The following CNTNAP2 variants were observed in gnomAD, a reference collection of about 807,000 sequenced individuals.
CNTNAP2 encodes the protein contactin-associated protein-like 2.
CNTNAP2 carries 98 observed loss-of-function variants against 155.2 expected under a neutral mutation model. That is an observed-to-expected ratio of 0.63 (90% CI 0.54 to 0.75). CNTNAP2 has a LOEUF of 0.75. Ranked by LOEUF, CNTNAP2 falls within the 30% of genes least tolerant of loss-of-function variation. The pLI is 0.00. For synonymous variants in CNTNAP2, 651 were observed against 631.2 expected (o/e 1.03, Z -0.47); for missense variants, 1,727 against 1,688.1 (o/e 1.02, Z -0.40).
At chr7:147,169,914 G>T (rs1417698575) in intron 8 of CNTNAP2, among the ~76,000 whole-genome samples, 1 of 152,104 alleles carries the variant, frequency 6.6e-6, no homozygotes, top group African/African-American at 2.4e-5. Context: ...TTGCTCTCCA[G>T]ATTCTGAATT....
chr7:147,435,789 C>T (rs907307843), intron 10 of CNTNAP2, among the ~76,000 whole-genome samples: 14 of 152,084 alleles, frequency 9.2e-5, no homozygotes, highest in African/African-American at 3.4e-4. Flanking sequence ...GCCATGGTGT[C>T]TTCATCTGTA....
chr7:147,635,184 C>CTATATATA lies in CNTNAP2; in HGVS notation c.1898-3912_1898-3905dup, dbSNP rs57395379. Among the ~76,000 whole-genome samples the CTATATATA allele has an allele frequency of 2.4e-4, 33 of 137,156 alleles. 2 individuals carry two copies. Among genetic ancestry groups the CTATATATA allele is most frequent in the Admixed American group, 2.4e-3 (29 of 12,202 alleles). The allele number at this position is 137,156 out of a possible 152,430, so 90.0% of individuals were successfully genotyped here. The stretch of plus-strand genomic sequence containing the variant: ...TCTCCCAGCCATTATCACTGGCAAA[C>CTATATATA]TATATATATATATATATGTTTAATT... On this transcript the variant is annotated intron_variant, in intron 12 of 23. Transcript: ENST00000361727.
intron 13 of CNTNAP2, among the ~76,000 whole-genome samples, chr7:147,800,557 G>A (rs185732873): frequency 2.0e-5 from 3 of 151,816 alleles, no homozygotes; most frequent in Admixed American, 2.0e-4. Context: ...CCCTACGTTT[G>A]TTGCCATGAG....
chr7:147,514,537 T>A (rs1306315322), intron 11 of CNTNAP2, among the ~76,000 whole-genome samples: 2 of 151,640 alleles, frequency 1.3e-5, no homozygotes, highest in Non-Finnish European at 2.9e-5. Context: ...CCTAGGCACA[T>A]GCCCAAGGGA....
intron 12 of CNTNAP2, among the ~76,000 whole-genome samples, chr7:147,603,395 A>G (rs1239191647): frequency 6.6e-6 from 1 of 152,058 alleles, no homozygotes; most frequent in Admixed American, 6.6e-5. Flanking sequence ...AAATCAATGT[A>G]CAAAAATCAC....
chr7:146,174,857 A>G (rs1048349001), intron 1 of CNTNAP2, among the ~76,000 whole-genome samples: 2 of 152,058 alleles, frequency 1.3e-5, no homozygotes, highest in African/African-American at 4.8e-5. Context: ...AACAAACAAA[A>G]ACTATAAAGA....
chr7:147,878,009 C>A (rs1799452296), intron 13 of CNTNAP2, among the ~76,000 whole-genome samples: 1 of 152,150 alleles, frequency 6.6e-6, no homozygotes, highest in African/African-American at 2.4e-5. Flanking sequence ...GTTTCCAACA[C>A]TGAGTTTTCT....
At chr7:148,294,039 CAAAAAAAAAA>C (rs10607772) in intron 21 of CNTNAP2, among the ~76,000 whole-genome samples, 34 of 70,044 alleles carry the variant, frequency 4.9e-4, no homozygotes, top group East Asian at 1.5e-3. Context: ...GGCTCCATCT[CAAAAAAAAAA>C]AAAAAAAAAA....
At chr7:147,150,648 T>C (rs1004012160) in intron 8 of CNTNAP2, among the ~76,000 whole-genome samples, 1 of 152,194 alleles carries the variant, frequency 6.6e-6, no homozygotes, top group Non-Finnish European at 1.5e-5. Context: ...CTAATGCTCT[T>C]TGAAAACTGA....
At chr7:147,797,394 C>T (rs1407572827) in intron 13 of CNTNAP2, among the ~76,000 whole-genome samples, 1 of 151,672 alleles carries the variant, frequency 6.6e-6, no homozygotes, top group Non-Finnish European at 1.5e-5. Flanking sequence ...TTCTTATTGA[C>T]CATCAATGAA....
At chr7:147,380,110 G>A (rs1273118091) in intron 9 of CNTNAP2, among the ~76,000 whole-genome samples, 3 of 151,896 alleles carry the variant, frequency 2.0e-5, no homozygotes, top group African/African-American at 4.8e-5. Context: ...TATGTGATGT[G>A]ACATTACAGA....
chr7:147,722,945 A>G (rs922953063), intron 13 of CNTNAP2, among the ~76,000 whole-genome samples: 1 of 152,072 alleles, frequency 6.6e-6, no homozygotes, highest in African/African-American at 2.4e-5. Flanking sequence ...CACTTTCCTC[A>G]TATCACACTG....
At chr7:147,754,885 CTT>C (rs1322347156) in intron 13 of CNTNAP2, among the ~76,000 whole-genome samples, 1 of 152,220 alleles carries the variant, frequency 6.6e-6, no homozygotes, top group East Asian at 1.9e-4. Flanking sequence ...ATTTTCAACT[CTT>C]TTGCATGCTT....
In CNTNAP2 at chr7:148,090,826, G is replaced by A. The variant is rs150507710; in HGVS notation, c.2384-27292G>A. Among the ~76,000 whole-genome samples, 737 of 152,144 alleles carry A rather than the reference G, an allele frequency of 4.8e-3. 3 individuals are homozygous for A. Among genetic ancestry groups the A allele is most frequent in the Admixed American group, 7.4e-3 (113 of 15,280 alleles). On this transcript the variant is annotated intron_variant, in intron 15 of 23. Transcript: ENST00000361727. ...GTTTACCGCAGCATTATTCACAATC[G>A]CTAAGATCTGGACTCAAGTGCCCAT...
At chr7:147,533,903 A>G (rs1799489989) in intron 11 of CNTNAP2, among the ~76,000 whole-genome samples, 1 of 152,244 alleles carries the variant, frequency 6.6e-6, no homozygotes, top group South Asian at 2.1e-4. Context: ...CATTAGAACT[A>G]GTATTAAACC....
chr7:146,537,236 G>C (rs961737938), intron 1 of CNTNAP2, among the ~76,000 whole-genome samples: 2 of 151,974 alleles, frequency 1.3e-5, no homozygotes, highest in African/African-American at 4.8e-5. Context: ...AGGTATTTAG[G>C]AGATAAATCT....
chr7:148,114,019 C>A (rs1424011207), intron 15 of CNTNAP2, among the ~76,000 whole-genome samples: 2 of 152,238 alleles, frequency 1.3e-5, no homozygotes, highest in African/African-American at 4.8e-5. Context: ...TCCTTTGGCA[C>A]TCTCTTTGCC....
intron 3 of CNTNAP2, among the ~76,000 whole-genome samples, chr7:146,918,984 C>A (rs1190771008): frequency 6.6e-6 from 1 of 152,134 alleles, no homozygotes. Context: ...CTGAGACTTG[C>A]CAGTGCATTT....
intron 15 of CNTNAP2, among the ~76,000 whole-genome samples, chr7:148,015,145 A>G (rs1179076139): frequency 6.6e-6 from 1 of 152,188 alleles, no homozygotes; most frequent in African/African-American, 2.4e-5. Context: ...GATGGAAAAT[A>G]CCTGTCCATA....
Sources: allele counts gnomAD v4.1 joint callset (sites outside exome capture counted in the v4.1 genomes callset), GRCh38; gene constraint gnomAD v4.1.1; transcripts MANE v1.5; gene names NCBI Gene and HGNC (gene_info 2026-07-23, HGNC 2026-07-21).